Variants in COL22A1 observed in about 807,000 individuals in gnomAD.
COL22A1 encodes the protein collagen type XXII alpha 1 chain, also known as collagen alpha-1(XXII) chain.
In COL22A1, 221 loss-of-function variants were observed where a neutral mutation model predicts 248.9. The ratio of observed to expected loss-of-function variants is 0.89; its 90% CI spans 0.80 to 0.99. The LOEUF is 0.99. Ranked by LOEUF, COL22A1 falls within the 50% of genes least tolerant of loss-of-function variation. The pLI, the probability that COL22A1 is intolerant of heterozygous loss-of-function variation, is 0.00. For synonymous variants in COL22A1, 891 were observed against 793.4 expected, an observed-to-expected ratio of 1.12 and a Z score of -2.07; for missense variants, 2,240 against 2,179.0, an observed-to-expected ratio of 1.03 and a Z score of -0.56.
chr8:138,672,184 A>G (rs1048006069), intron 41 of COL22A1, among the ~76,000 whole-genome samples: 1 of 152,172 alleles, frequency 6.6e-6, no homozygotes, highest in Non-Finnish European at 1.5e-5. Flanking sequence ...ACTTCAGGGA[A>G]GTGGCTTCAT....
At chr8:138,615,964 G>A (rs1185299786) in intron 55 of COL22A1, 37 bp downstream of exon 55, 1 of 1,552,978 alleles carries the variant, frequency 6.4e-7, no homozygotes. Flanking sequence ...CCCACCCCCA[G>A]CCCCAGCCCA....
In COL22A1 at chr8:138,878,712, G is replaced by A. The variant is rs2132047435; in HGVS notation, c.92-396C>T. 1.3e-5 allele frequency among the ~76,000 whole-genome samples: 2 copies of A among 152,324 alleles called. 1 individual carries two copies. Among genetic ancestry groups the A allele is most frequent in the Middle Eastern group, 6.8e-3 (2 of 294 alleles). ...AAGTCAGAAAATGCAATCAAAAGAT[G>A]TTTAGATGTTTTAGGCTGGGCGCGG... On this transcript the variant is annotated intron_variant, in intron 2 of 64. Coordinates refer to ENST00000303045, the MANE Select transcript of COL22A1 (RefSeq NM_152888.3).
chr8:138,624,677 T>C lies in COL22A1; in HGVS notation c.3718-892A>G, dbSNP rs190130733. On this transcript the variant is annotated intron_variant, in intron 51 of 64. Transcript: ENST00000303045. ...GTATTTCCTAACTGCTATGATATCC[T>C]AGTCTCCAGAGTTGTAGTTCATACC... Among the ~76,000 whole-genome samples, 3 of 152,312 alleles carry C rather than the reference T, an allele frequency of 2.0e-5. No individual in the cohort carries two copies. The East Asian group carries it at 5.8e-4, about 30-fold the overall frequency.
intron 60 of COL22A1, among the ~76,000 whole-genome samples, chr8:138,600,577 C>G (rs543537091): frequency 6.6e-6 from 1 of 152,266 alleles, no homozygotes; most frequent in African/African-American, 2.4e-5. Context: ...AGCCAAAGCC[C>G]TGTGATGGAC....
At chr8:138,738,598 C>T (rs943250817) in intron 22 of COL22A1, among the ~76,000 whole-genome samples, 4 of 152,274 alleles carry the variant, frequency 2.6e-5, no homozygotes. Flanking sequence ...TGCCCATGTT[C>T]TCATCCCATT....
At chr8:138,756,944 T>C (rs750044085) in intron 18 of COL22A1, among the ~76,000 whole-genome samples, 2 of 152,216 alleles carry the variant, frequency 1.3e-5, no homozygotes, top group Non-Finnish European at 2.9e-5. Flanking sequence ...TTTTCTTCAT[T>C]GTACCTTCCT....
intron 9 of COL22A1, among the ~76,000 whole-genome samples, chr8:138,808,051 T>C (rs1458696540): frequency 5.9e-5 from 9 of 152,202 alleles, no homozygotes; most frequent in Admixed American, 1.3e-4. Context: ...GGACACAAGA[T>C]AGAAACAAGC....
At chr8:138,639,690 A>G (rs1259688960) in intron 47 of COL22A1, among the ~76,000 whole-genome samples, 2 of 152,178 alleles carry the variant, frequency 1.3e-5, no homozygotes, top group African/African-American at 4.8e-5. Flanking sequence ...ATACTTTTAA[A>G]AGCTAAATGA....
chr8:138,885,654 C>T (rs1487069528), intron 1 of COL22A1, among the ~76,000 whole-genome samples: 1 of 152,140 alleles, frequency 6.6e-6, no homozygotes, highest in Non-Finnish European at 1.5e-5. Flanking sequence ...ACCTCCACCT[C>T]CTGGGTTCAA....
At chr8:138,626,378 G>T in intron 50 of COL22A1, 135 bp from the exon 51 acceptor site, 1 of 746,726 alleles carries the variant, frequency 1.3e-6, no homozygotes, top group South Asian at 1.6e-5. Flanking sequence ...TTCTGTATCA[G>T]CCTCATGGCT....
intron 54 of COL22A1, among the ~76,000 whole-genome samples, chr8:138,616,562 T>C (rs1819337952): frequency 6.6e-6 from 1 of 152,162 alleles, no homozygotes; most frequent in Non-Finnish European, 1.5e-5. Flanking sequence ...CCTTGGGAAA[T>C]CACCCATGTC....
chr8:138,848,858 T>A (rs921368971), intron 3 of COL22A1, among the ~76,000 whole-genome samples: 1 of 152,056 alleles, frequency 6.6e-6, no homozygotes, highest in Non-Finnish European at 1.5e-5. Flanking sequence ...CCATGTTAGA[T>A]CAGCAGGAGC....
intron 51 of COL22A1, 139 bp from the exon 52 acceptor site, chr8:138,623,924 G>A (rs867345166): frequency 3.0e-6 from 2 of 660,050 alleles, no homozygotes; most frequent in Non-Finnish European, 5.2e-6. Flanking sequence ...TGTCTCAACG[G>A]ACAGAATTGT....
At chr8:138,762,678 A>T (rs541022080) in intron 16 of COL22A1, among the ~76,000 whole-genome samples, 1 of 152,152 alleles carries the variant, frequency 6.6e-6, no homozygotes, top group African/African-American at 2.4e-5. Flanking sequence ...AACTAGAGTC[A>T]TCCCTCTGCT....
chr8:138,874,184 T>C (rs1471928381), intron 3 of COL22A1, among the ~76,000 whole-genome samples: 1 of 152,242 alleles, frequency 6.6e-6, no homozygotes, highest in Non-Finnish European at 1.5e-5. Context: ...GCCCTCTTCA[T>C]CTCACAGCTG....
intron 3 of COL22A1, among the ~76,000 whole-genome samples, chr8:138,867,474 C>T (rs796136556): frequency 1.1e-4 from 17 of 152,230 alleles, no homozygotes; most frequent in African/African-American, 3.1e-4. Flanking sequence ...CAGTAAAAAC[C>T]ACAACTTGGT....
At chr8:138,664,194 T>TGCGCAC (rs1554738437) in intron 41 of COL22A1, among the ~76,000 whole-genome samples, 1 of 85,302 alleles carries the variant, frequency 1.2e-5, no homozygotes, top group East Asian at 5.0e-4. Flanking sequence ...CAACAAGGGG[T>TGCGCAC]GCGCGCGCGC....
chr8:138,626,691 C>T (rs949228779), intron 50 of COL22A1, among the ~76,000 whole-genome samples: 12 of 152,128 alleles, frequency 7.9e-5, no homozygotes, highest in South Asian at 2.1e-4. Flanking sequence ...GGGAGCTGAC[C>T]GGGGTGCATG....
At chr8:138,608,401 T>G (rs1173659517) in intron 56 of COL22A1, among the ~76,000 whole-genome samples, 1 of 152,166 alleles carries the variant, frequency 6.6e-6, no homozygotes, top group Non-Finnish European at 1.5e-5. Flanking sequence ...GGTCTCAGCT[T>G]AGGAAGCATG....
Sources: allele counts gnomAD v4.1 joint callset (sites outside exome capture counted in the v4.1 genomes callset), GRCh38; gene constraint gnomAD v4.1.1; transcripts MANE v1.5; gene names NCBI Gene and HGNC (gene_info 2026-07-23, HGNC 2026-07-21).